PPFIA2: variants seen among roughly 807,000 people sequenced by gnomAD.
PPFIA2 encodes PPFI scaffold protein A2, also known as liprin-alpha-2.
PPFIA2 carries 46 observed loss-of-function variants against 175.5 expected under a neutral mutation model. The observed-to-expected ratio is 0.26, with a 90% CI of 0.21 to 0.34. The LOEUF (loss-of-function observed/expected upper bound fraction) is 0.34, where lower values mean the gene tolerates loss of function less well. PPFIA2 is among the 10% of genes least tolerant of loss of function. PPFIA2 has a pLI of 1.00. For synonymous variants in PPFIA2, 568 were observed against 511.4 expected, an observed-to-expected ratio of 1.11 and a Z score of -1.49; for missense variants, 1,179 against 1,506.1, an observed-to-expected ratio of 0.78 and a Z score of 3.60.
At chr12:81,540,296 A>T (rs1453692686) in intron 4 of PPFIA2, among the ~76,000 whole-genome samples, 1 of 152,090 alleles carries the variant, frequency 6.6e-6, no homozygotes, top group Non-Finnish European at 1.5e-5. Context: ...CATAAGACTT[A>T]GCAATTAAGA....
At chr12:81,717,244 T>G (rs2078744171) in intron 3 of PPFIA2, among the ~76,000 whole-genome samples, 1 of 151,564 alleles carries the variant, frequency 6.6e-6, no homozygotes, top group Non-Finnish European at 1.5e-5. Context: ...ATGCTGAAAT[T>G]TGCATTTCAT....
intron 21 of PPFIA2, 64 bp from the exon 22 acceptor site, chr12:81,325,934 G>A (rs577736384): frequency 8.3e-7 from 1 of 1,198,890 alleles, no homozygotes; most frequent in South Asian, 1.3e-5. Flanking sequence ...TCTGAAGTCA[G>A]GTTGTTAAAG....
chr12:81,677,638 T>A (rs1401354081), intron 3 of PPFIA2, among the ~76,000 whole-genome samples: 2 of 151,878 alleles, frequency 1.3e-5, no homozygotes, highest in African/African-American at 4.8e-5. Context: ...CCTAATATTC[T>A]CCAGGATCAT....
chr12:81,408,228 A>G (rs1386618319), intron 7 of PPFIA2, among the ~76,000 whole-genome samples: 1 of 152,158 alleles, frequency 6.6e-6, no homozygotes, highest in Non-Finnish European at 1.5e-5. Flanking sequence ...TCATTTTTAT[A>G]TTACACTCTT....
At chr12:81,638,475 C>T (rs1383754596) in intron 4 of PPFIA2, among the ~76,000 whole-genome samples, 1 of 151,612 alleles carries the variant, frequency 6.6e-6, no homozygotes, top group East Asian at 1.9e-4. Flanking sequence ...CAAAGAGAGC[C>T]ATAAGTTAGA....
chr12:81,558,716 T>G (rs2069344351), intron 4 of PPFIA2, among the ~76,000 whole-genome samples: 1 of 152,150 alleles, frequency 6.6e-6, no homozygotes, highest in Non-Finnish European at 1.5e-5. Context: ...TGGCTATGTA[T>G]TTCTGATCCT....
At chr12:81,640,591 G>T (rs996692528) in intron 4 of PPFIA2, among the ~76,000 whole-genome samples, 1 of 151,972 alleles carries the variant, frequency 6.6e-6, no homozygotes, top group Non-Finnish European at 1.5e-5. Flanking sequence ...TAAAACTCCA[G>T]TTTAAATTTT....
intron 4 of PPFIA2, among the ~76,000 whole-genome samples, chr12:81,592,506 C>T (rs1275968974): frequency 6.6e-6 from 1 of 152,044 alleles, no homozygotes; most frequent in East Asian, 1.9e-4. Flanking sequence ...GGAAGGAACC[C>T]AGTGGGGTGT....
chr12:81,637,385 T>A (rs1009468770), intron 4 of PPFIA2, among the ~76,000 whole-genome samples: 12 of 151,356 alleles, frequency 7.9e-5, no homozygotes, highest in African/African-American at 2.9e-4. Context: ...ATTACAGGCA[T>A]GAGCCACCGT....
chr12:81,752,812 T>G (rs576580071), intron 3 of PPFIA2, among the ~76,000 whole-genome samples: 1 of 152,354 alleles, frequency 6.6e-6, no homozygotes, highest in African/African-American at 2.4e-5. Context: ...GTATACTGTC[T>G]TTTAAGGAGC....
At chr12:81,597,352 CA>C (rs1342864677) in intron 4 of PPFIA2, among the ~76,000 whole-genome samples, 1 of 151,954 alleles carries the variant, frequency 6.6e-6, no homozygotes, top group African/African-American at 2.4e-5. Flanking sequence ...TATTATAAAT[CA>C]TTTTGACTTT....
At position 81,361,812 on chromosome 12, in the gene PPFIA2, T is replaced by TTTTTTTTTAGATGA. The variant is rs1266478727; in HGVS notation, c.1637+880_1637+881insTCATCTAAAAAAAA. The stretch of plus-strand genomic sequence containing the variant: ...CATAACACCAAGAAAGATGAACTTC[T>TTTTTTTTTAGATGA]ACTAAAAGCCTATGGTAGTGGAAAG... On this transcript the variant is annotated intron_variant, in intron 15 of 32. Coordinates refer to ENST00000549396, the MANE Select transcript of PPFIA2 (RefSeq NM_003625.5). Among the ~76,000 whole-genome samples the TTTTTTTTTAGATGA allele has an allele frequency of 6.6e-5, 10 of 151,776 alleles. No homozygotes were observed. In the East Asian group the frequency reaches 1.9e-3, roughly 29 times the overall value.
rs1389717833 is a variant in PPFIA2 at position 81,384,152 on chromosome 12, G to A, written c.855C>T (p.Ala285=). The change falls in exon 9 of 33, where the codon GCC becomes GCT. Residue 285 remains alanine (A), a synonymous_variant. Transcript: ENST00000549396. Reference sequence around the variant, plus strand: ...GGGCTGCTAAACGTTCTTTCATCTGGGCCATTTCATAGTTTTGCTTTTCAA... The same window carrying A: ...GGGCTGCTAAACGTTCTTTCATCTGAGCCATTTCATAGTTTTGCTTTTCAA... ...ELLEKQNYEM[A]QMKERLAALS... is the part of the protein sequence containing the mutation. 6.2e-7 allele frequency: 1 copy of A among 1,612,142 alleles called. No homozygotes were observed.
intron 3 of PPFIA2, among the ~76,000 whole-genome samples, chr12:81,716,694 C>A (rs777250088): frequency 9.2e-5 from 14 of 151,704 alleles, no homozygotes; most frequent in African/African-American, 1.2e-4. Flanking sequence ...ACTGGACTTA[C>A]ACCTGTGAAG....
At chr12:81,597,083 C>A (rs974074264) in intron 4 of PPFIA2, among the ~76,000 whole-genome samples, 1 of 151,890 alleles carries the variant, frequency 6.6e-6, no homozygotes, top group African/African-American at 2.4e-5. Context: ...ATTATACAGC[C>A]AGAATAATTA....
At chr12:81,628,998 G>A (rs1021323905) in intron 4 of PPFIA2, among the ~76,000 whole-genome samples, 5 of 152,118 alleles carry the variant, frequency 3.3e-5, no homozygotes, top group African/African-American at 1.2e-4. Context: ...GAGATGCTGA[G>A]CACACTGCCC....
intron 3 of PPFIA2, among the ~76,000 whole-genome samples, chr12:81,703,812 A>G (rs1157952184): frequency 6.6e-6 from 1 of 152,080 alleles, no homozygotes; most frequent in Non-Finnish European, 1.5e-5. Context: ...TGTCTTACAT[A>G]TGATACTCTT....
At chr12:81,659,582 G>A (rs2068437258) in intron 4 of PPFIA2, among the ~76,000 whole-genome samples, 1 of 152,206 alleles carries the variant, frequency 6.6e-6, no homozygotes, top group Non-Finnish European at 1.5e-5. Context: ...GGAGCCCACT[G>A]CAGCTCAAGG....
At chr12:81,414,655 C>T (rs1231545425) in intron 7 of PPFIA2, among the ~76,000 whole-genome samples, 2 of 151,550 alleles carry the variant, frequency 1.3e-5, no homozygotes, top group Non-Finnish European at 1.5e-5. Context: ...CAGGGTGACA[C>T]TTATTGAAGT....
Sources: allele counts gnomAD v4.1 joint callset (sites outside exome capture counted in the v4.1 genomes callset), GRCh38; gene constraint gnomAD v4.1.1; transcripts MANE v1.5; gene names NCBI Gene and HGNC (gene_info 2026-07-23, HGNC 2026-07-21).